GALNT17: variants seen among roughly 807,000 people sequenced by gnomAD.
GALNT17 encodes UDP-GalNAc:polypeptide N-acetylgalactosaminyltransferase-like 3.
GALNT17 carries 29 observed loss-of-function variants against 63.7 expected under a neutral mutation model. The observed-to-expected ratio is 0.46, with a 90% CI of 0.34 to 0.62. The LOEUF is 0.62. Ranked by LOEUF, GALNT17 falls within the 20% of genes least tolerant of loss-of-function variation. The pLI is 0.01. For missense variants in GALNT17, 603 were observed against 799.6 expected, an observed-to-expected ratio of 0.75 and a Z score of 2.97; for synonymous variants, 305 against 318.3, an observed-to-expected ratio of 0.96 and a Z score of 0.45.
chr7:71,587,689 CT>C (rs1316727518), intron 6 of GALNT17, among the ~76,000 whole-genome samples: 3 of 151,800 alleles, frequency 2.0e-5, no homozygotes, highest in Admixed American at 2.0e-4. Context: ...GTGGGTAATA[CT>C]TTTTTGTACT....
At position 71,132,745 on chromosome 7, in the gene GALNT17, C is replaced by G. The variant is rs538296169; in HGVS notation, c.-58C>G. Reference sequence around the variant, plus strand: ...GCTTGCACGGCCCCTGGCTGCCCCGCGCCTCGCCGGAGCCCGAGGGGGCGC... The same window carrying G: ...GCTTGCACGGCCCCTGGCTGCCCCGGGCCTCGCCGGAGCCCGAGGGGGCGC... On this transcript the variant is annotated 5_prime_UTR_variant, in exon 1 of 11. Coordinates refer to ENST00000333538, the MANE Select transcript of GALNT17 (RefSeq NM_022479.3). 6.9e-7 allele frequency: 1 copy of G among 1,445,950 alleles called. No homozygotes were observed. Among genetic ancestry groups the G allele is most frequent in the Non-Finnish European group, 9.3e-7 (1 of 1,069,966 alleles). The allele number at this position is 1,445,950 out of a possible 1,614,324, so 89.6% of individuals were successfully genotyped here.
At chr7:71,333,466 C>A (rs535998460) in intron 1 of GALNT17, among the ~76,000 whole-genome samples, 3 of 151,996 alleles carry the variant, frequency 2.0e-5, no homozygotes, top group Admixed American at 6.6e-5. Context: ...TTTTTGGGGA[C>A]GAATGTTTCC....
At chr7:71,429,993 C>T (rs1786831499) in intron 5 of GALNT17, among the ~76,000 whole-genome samples, 1 of 152,092 alleles carries the variant, frequency 6.6e-6, no homozygotes, top group Non-Finnish European at 1.5e-5. Flanking sequence ...ATACGTGAGC[C>T]ACCGTGCCTG....
At chr7:71,580,295 A>ATGGATGATAGATG (rs1190775872) in intron 6 of GALNT17, among the ~76,000 whole-genome samples, 5 of 152,122 alleles carry the variant, frequency 3.3e-5, no homozygotes, top group Admixed American at 1.3e-4. Flanking sequence ...GATAAGATAC[A>ATGGATGATAGATG]TGGATGATAG....
At chr7:71,267,410 C>T (rs1234615957) in intron 1 of GALNT17, among the ~76,000 whole-genome samples, 2 of 149,400 alleles carry the variant, frequency 1.3e-5, no homozygotes, top group African/African-American at 4.9e-5. Flanking sequence ...TGGTTTTTAA[C>T]ATAGACATAA....
intron 9 of GALNT17, among the ~76,000 whole-genome samples, chr7:71,709,260 G>A (rs899603466): frequency 2.6e-5 from 4 of 152,134 alleles, no homozygotes; most frequent in African/African-American, 9.7e-5. Flanking sequence ...ATTCTTGCTG[G>A]TGTGAGATGG....
At chr7:71,707,225 C>G (rs143941452) in intron 9 of GALNT17, among the ~76,000 whole-genome samples, 18 of 152,152 alleles carry the variant, frequency 1.2e-4, no homozygotes, top group African/African-American at 3.9e-4. Flanking sequence ...ATGCCATTCA[C>G]CACAGTTATG....
intron 5 of GALNT17, among the ~76,000 whole-genome samples, chr7:71,425,040 C>G (rs1003176887): frequency 2.0e-5 from 3 of 151,986 alleles, no homozygotes; most frequent in Non-Finnish European, 2.9e-5. Context: ...CAGGTTTTCT[C>G]TTTGTCCTCC....
intron 2 of GALNT17, among the ~76,000 whole-genome samples, chr7:71,339,141 G>A (rs1791963999): frequency 6.6e-6 from 1 of 152,172 alleles, no homozygotes; most frequent in African/African-American, 2.4e-5. Flanking sequence ...TACTGGAAAA[G>A]AGCCGGTTGA....
At chr7:71,368,606 C>T (rs1164632326) in intron 2 of GALNT17, among the ~76,000 whole-genome samples, 1 of 152,050 alleles carries the variant, frequency 6.6e-6, no homozygotes. Flanking sequence ...TTTATCCTTC[C>T]GTGTCATAAT....
intron 6 of GALNT17, among the ~76,000 whole-genome samples, chr7:71,609,813 A>G (rs1050966845): frequency 6.6e-6 from 1 of 152,122 alleles, no homozygotes; most frequent in Non-Finnish European, 1.5e-5. Flanking sequence ...TTACTAAGTT[A>G]TTATTAATAA....
intron 1 of GALNT17, among the ~76,000 whole-genome samples, chr7:71,228,469 A>C (rs1466694648): frequency 1.3e-5 from 2 of 152,304 alleles, no homozygotes; most frequent in Non-Finnish European, 2.9e-5. Context: ...AACAACAGAA[A>C]TGTATCCTCC....
chr7:71,342,055 A>T (rs998997243), intron 2 of GALNT17, among the ~76,000 whole-genome samples: 7 of 152,208 alleles, frequency 4.6e-5, no homozygotes, highest in Non-Finnish European at 8.8e-5. Flanking sequence ...TCCTCGTTCA[A>T]AAAGCTTGGG....
chr7:71,138,372 T>G (rs1273053439), intron 1 of GALNT17, among the ~76,000 whole-genome samples: 1 of 151,636 alleles, frequency 6.6e-6, no homozygotes, highest in Non-Finnish European at 1.5e-5. Flanking sequence ...ATTAATTGAG[T>G]AGAAGTGGAT....
At chr7:71,139,116 G>A (rs923913787) in intron 1 of GALNT17, among the ~76,000 whole-genome samples, 1 of 152,168 alleles carries the variant, frequency 6.6e-6, no homozygotes, top group Non-Finnish European at 1.5e-5. Context: ...CATTTTAGAG[G>A]TGAGAAAGGT....
chr7:71,347,516 CT>C (rs886895408), intron 2 of GALNT17, among the ~76,000 whole-genome samples: 1 of 152,116 alleles, frequency 6.6e-6, no homozygotes, highest in African/African-American at 2.4e-5. Context: ...TTTAAAACAC[CT>C]TACATTAAAT....
At chr7:71,683,684 T>G (rs1791304184) in intron 9 of GALNT17, among the ~76,000 whole-genome samples, 1 of 152,168 alleles carries the variant, frequency 6.6e-6, no homozygotes, top group Non-Finnish European at 1.5e-5. Context: ...AACATCCGCT[T>G]CTTTTTGGAA....
At chr7:71,480,746 A>T (rs1204640915) in intron 5 of GALNT17, among the ~76,000 whole-genome samples, 1 of 152,170 alleles carries the variant, frequency 6.6e-6, no homozygotes, top group Non-Finnish European at 1.5e-5. Flanking sequence ...GCCTCAAGTG[A>T]TCCACCCACC....
At chr7:71,575,551 G>C (rs1186251065) in intron 6 of GALNT17, among the ~76,000 whole-genome samples, 4 of 151,966 alleles carry the variant, frequency 2.6e-5, no homozygotes, top group African/African-American at 9.7e-5. Context: ...ACCTCACCCG[G>C]CTAAGTTTTT....
Sources: gnomAD v4.1 joint callset for allele counts (sites outside exome capture counted in the v4.1 genomes callset) on GRCh38, gnomAD v4.1.1 for gene constraint, MANE v1.5 for transcripts, NCBI Gene and HGNC (gene_info 2026-07-23, HGNC 2026-07-21) for gene names.